Variants in FRRS1L observed in about 807,000 individuals in gnomAD.
The protein encoded by FRRS1L is ferric chelate reductase 1 like, also known as DOMON domain-containing protein FRRS1L.
A neutral mutation model predicts 28.6 loss-of-function variants in FRRS1L; 22 were observed. That is an observed-to-expected ratio of 0.77 (90% CI 0.55 to 1.10). FRRS1L has a LOEUF of 1.10. Ranked by LOEUF, FRRS1L falls within the 50% of genes least tolerant of loss-of-function variation. The probability of loss-of-function intolerance (pLI) is 0.00; values close to 1 mark genes in which losing one functional copy is unlikely to be tolerated. For synonymous variants in FRRS1L, 158 were observed against 151.4 expected (o/e 1.04, Z -0.32); for missense variants, 380 against 386.9 (o/e 0.98, Z 0.15).
chr9:109,149,509 T>C, intron 2 of FRRS1L, 127 bp downstream of exon 2: 1 of 632,594 alleles, frequency 1.6e-6, no homozygotes, highest in South Asian at 2.1e-5. Context: ...CGAAACTTCA[T>C]AACCCTGCTG....
chr9:109,146,141 G>A (rs1176829043), intron 3 of FRRS1L, among the ~76,000 whole-genome samples: 2 of 152,100 alleles, frequency 1.3e-5, no homozygotes, highest in African/African-American at 2.4e-5. Flanking sequence ...AGGCTGCAAT[G>A]AGCCAAGGTC....
chr9:109,157,403 T>G lies in FRRS1L; in HGVS notation c.239-7683A>C, dbSNP rs535038904. On this transcript the variant is annotated intron_variant, in intron 1 of 4. Transcript: ENST00000561981. ...ATCTATATATTTTATTTTTATTTTTTGGAGACAGGGCCTCACTGTGTCACC... is the reference window on the plus strand; with the variant it reads ...ATCTATATATTTTATTTTTATTTTTGGGAGACAGGGCCTCACTGTGTCACC... Among the ~76,000 whole-genome samples the G allele has an allele frequency of 1.2e-4, 18 of 152,314 alleles. No individual in the cohort carries two copies. In the East Asian group the frequency reaches 3.5e-3, roughly 29 times the overall value.
chr9:109,143,583 C>T (rs930580180), intron 3 of FRRS1L, among the ~76,000 whole-genome samples: 10 of 148,356 alleles, frequency 6.7e-5, no homozygotes, highest in African/African-American at 2.2e-4. Context: ...GGCGCGATCT[C>T]GGCTCACTGC....
chr9:109,145,709 G>C (rs975081523), intron 3 of FRRS1L, among the ~76,000 whole-genome samples: 1 of 149,344 alleles, frequency 6.7e-6, no homozygotes, highest in African/African-American at 2.5e-5. Flanking sequence ...GCGAGACTCT[G>C]TCTAAAAAAT....
At chr9:109,138,642 G>C (rs1032209151) in intron 4 of FRRS1L, 2 of 150,278 alleles carry the variant, frequency 1.3e-5, no homozygotes, top group African/African-American at 4.9e-5. Flanking sequence ...AAACCTGGGA[G>C]GTGGAGGCTG....
chr9:109,156,359 T>A (rs1002218984), intron 1 of FRRS1L, among the ~76,000 whole-genome samples: 2 of 152,180 alleles, frequency 1.3e-5, no homozygotes, highest in Non-Finnish European at 2.9e-5. Flanking sequence ...ATTTCCTTCC[T>A]TTTTGTTTCC....
intron 1 of FRRS1L, among the ~76,000 whole-genome samples, chr9:109,152,481 T>C (rs1831342137): frequency 6.6e-6 from 1 of 151,478 alleles, no homozygotes; most frequent in South Asian, 2.1e-4. Flanking sequence ...TGAGAAGTAA[T>C]AACCATTGGG....
intron 4 of FRRS1L, 129 bp downstream of exon 4, chr9:109,141,214 A>T (rs1831181273): frequency 1.0e-6 from 1 of 967,608 alleles, no homozygotes; most frequent in African/African-American, 1.6e-5. Context: ...TAGGAGTCGC[A>T]TCTCCTTTTC....
In FRRS1L at chr9:109,133,366, C is replaced by T. The variant is rs1831076413; in HGVS notation, c.*4089G>A. On this transcript the variant is annotated 3_prime_UTR_variant, in exon 5 of 5. Coordinates refer to ENST00000561981, the MANE Select transcript of FRRS1L (RefSeq NM_014334.4). ...AAAAGAAAGTTGATATAGAGTAAAA[C>T]ATGCTCCTTTCCTCTAAATATAACT... 2.0e-5 allele frequency: 3 copies of T among 152,184 alleles called. No homozygotes were observed. The highest frequency in any genetic ancestry group is 7.2e-5 in the African/African-American group (3 of 41,452). 9.4% of individuals were successfully genotyped at this position (152,184 alleles called of 1,614,324 possible).
intron 1 of FRRS1L, among the ~76,000 whole-genome samples, chr9:109,153,675 G>A (rs1831365044): frequency 1.3e-5 from 2 of 152,182 alleles, no homozygotes; most frequent in South Asian, 2.1e-4. Flanking sequence ...TTGGTCTGAG[G>A]TGTGGACAAT....
At chr9:109,165,013 C>T (rs1490609346) in intron 1 of FRRS1L, among the ~76,000 whole-genome samples, 1 of 152,218 alleles carries the variant, frequency 6.6e-6, no homozygotes, top group Non-Finnish European at 1.5e-5. Flanking sequence ...AAAGGACGTA[C>T]AGAATCTGAG....
At position 109,137,381 on chromosome 9, in the gene FRRS1L, T is replaced by C. The variant is rs936289277; in HGVS notation, c.*74A>G. Reference sequence around the variant, plus strand: ...TAAATAATTGAAGCTAAAATTATACTGGATATTCTTTAAAAAATATATTTA... The same window carrying C: ...TAAATAATTGAAGCTAAAATTATACCGGATATTCTTTAAAAAATATATTTA... On this transcript the variant is annotated 3_prime_UTR_variant, in exon 5 of 5. Coordinates refer to ENST00000561981, the MANE Select transcript of FRRS1L (RefSeq NM_014334.4). The C allele has an allele frequency of 2.2e-6, 2 of 923,878 alleles. No homozygotes were observed. The highest frequency in any genetic ancestry group is 1.7e-5 in the African/African-American group (1 of 59,042). The allele number at this position is 923,878 out of a possible 1,614,324, so 57.2% of individuals were successfully genotyped here.
At chr9:109,138,720 C>T (rs1364490277) in intron 4 of FRRS1L, 3 of 151,910 alleles carry the variant, frequency 2.0e-5, no homozygotes, top group East Asian at 1.9e-4. Flanking sequence ...CTCAATAGAT[C>T]CCAGTCACCT....
intron 3 of FRRS1L, among the ~76,000 whole-genome samples, chr9:109,143,512 G>T (rs1179093260): frequency 8.9e-6 from 1 of 112,750 alleles, no homozygotes; most frequent in Non-Finnish European, 1.7e-5. Context: ...ACACAATAAT[G>T]CACCTTTTTT....
chr9:109,156,971 C>T (rs1021236998), intron 1 of FRRS1L, among the ~76,000 whole-genome samples: 6 of 152,152 alleles, frequency 3.9e-5, no homozygotes, highest in Non-Finnish European at 7.3e-5. Context: ...CCACGCCCAG[C>T]GTCTAATCTT....
intron 1 of FRRS1L, among the ~76,000 whole-genome samples, chr9:109,166,604 C>G (rs936778822): frequency 1.3e-5 from 2 of 152,060 alleles, no homozygotes; most frequent in African/African-American, 4.8e-5. Context: ...TTAGACTCAG[C>G]ACCCACCCCT....
At chr9:109,164,955 C>T (rs1167049059) in intron 1 of FRRS1L, among the ~76,000 whole-genome samples, 1 of 152,186 alleles carries the variant, frequency 6.6e-6, no homozygotes, top group Non-Finnish European at 1.5e-5. Flanking sequence ...ATTCATAAAA[C>T]TTTCTGGACT....
chr9:109,146,885 C>T (rs1831268513), intron 3 of FRRS1L, among the ~76,000 whole-genome samples, 166 bp downstream of exon 3: 1 of 152,176 alleles, frequency 6.6e-6, no homozygotes, highest in African/African-American at 2.4e-5. Context: ...ATTCTGATAG[C>T]CAACCCTTTC....
chr9:109,131,595 T>C lies in FRRS1L; in HGVS notation c.*5860A>G, dbSNP rs1037445735. The C allele has an allele frequency of 6.6e-6, 1 of 152,240 alleles. No homozygotes were observed. The highest frequency in any genetic ancestry group is 6.5e-5 in the Admixed American group (1 of 15,282). 9.4% of individuals were successfully genotyped at this position (152,240 alleles called of 1,614,324 possible). A position where few individuals can be genotyped will look rare whatever the true frequency, so the allele number is the denominator to read the frequency against. The stretch of plus-strand genomic sequence containing the variant: ...TCTCAGTAAACCCATCAATTGTAAG[T>C]TGAAAATATCATAAGTCAAAACAAT... On this transcript the variant is annotated 3_prime_UTR_variant, in exon 5 of 5. Coordinates refer to ENST00000561981, the MANE Select transcript of FRRS1L (RefSeq NM_014334.4).
Sources: gnomAD v4.1 joint callset for allele counts (sites outside exome capture counted in the v4.1 genomes callset) on GRCh38, gnomAD v4.1.1 for gene constraint, MANE v1.5 for transcripts, NCBI Gene and HGNC (gene_info 2026-07-23, HGNC 2026-07-21) for gene names.